The following DSCAML1 variants were observed in gnomAD, a reference collection of about 807,000 sequenced individuals.
DSCAML1 encodes cell adhesion molecule DSCAML1.
Under a neutral mutation model 200.5 loss-of-function variants are expected in DSCAML1, and 38 were observed. That is an observed-to-expected ratio of 0.19 (90% CI 0.15 to 0.25). The LOEUF (loss-of-function observed/expected upper bound fraction) is 0.25, where lower values mean the gene tolerates loss of function less well. Among genes scored for constraint, DSCAML1 ranks in the 10% least tolerant of loss-of-function variants. The pLI is 1.00. For missense variants in DSCAML1, 2,223 were observed against 2,858.8 expected (o/e 0.78, Z 5.07); for synonymous variants, 1,215 against 1,165.0 (o/e 1.04, Z -0.87).
chr11:117,604,537 A>G (rs983426650), intron 3 of DSCAML1, among the ~76,000 whole-genome samples: 1 of 152,162 alleles, frequency 6.6e-6, no homozygotes, highest in Non-Finnish European at 1.5e-5. Context: ...ATTCTTTTGA[A>G]GGAATTCTCT....
intron 27 of DSCAML1, 82 bp from the exon 28 acceptor site, chr11:117,433,553 G>C: frequency 2.7e-6 from 4 of 1,495,856 alleles, no homozygotes; most frequent in South Asian, 1.2e-5. Context: ...TGGGAAACAA[G>C]GTGGAGAATT....
chr11:117,428,979 T>C (rs2047727327), intron 32 of DSCAML1, among the ~76,000 whole-genome samples, 176 bp from the exon 33 acceptor site: 1 of 152,214 alleles, frequency 6.6e-6, no homozygotes, highest in African/African-American at 2.4e-5. Context: ...TTCTGAGCCT[T>C]CGTTTCCTTA....
chr11:117,607,183 C>G (rs1235324966), intron 3 of DSCAML1, among the ~76,000 whole-genome samples: 2 of 152,162 alleles, frequency 1.3e-5, no homozygotes, highest in African/African-American at 4.8e-5. Context: ...GTGGTAAGTC[C>G]CTGTGGCCTT....
At chr11:117,596,763 C>T (rs1388582976) in intron 3 of DSCAML1, among the ~76,000 whole-genome samples, 1 of 152,206 alleles carries the variant, frequency 6.6e-6, no homozygotes, top group South Asian at 2.1e-4. Context: ...TCAGTCAAGG[C>T]TGATGCACAT....
At chr11:117,507,607 A>T (rs2049526917) in intron 8 of DSCAML1, among the ~76,000 whole-genome samples, 1 of 152,064 alleles carries the variant, frequency 6.6e-6, no homozygotes, top group South Asian at 2.1e-4. Flanking sequence ...TTCCAATGTC[A>T]TCTTCCACCT....
intron 3 of DSCAML1, among the ~76,000 whole-genome samples, chr11:117,552,582 A>T (rs1024028766): frequency 1.3e-5 from 2 of 152,182 alleles, no homozygotes; most frequent in Non-Finnish European, 2.9e-5. Flanking sequence ...AGATTAACGA[A>T]ATCCTACCCT....
intron 4 of DSCAML1, among the ~76,000 whole-genome samples, chr11:117,529,551 C>T (rs1463177156): frequency 6.6e-6 from 1 of 152,190 alleles, no homozygotes; most frequent in East Asian, 1.9e-4. Flanking sequence ...TCATAACTGC[C>T]ATCTTAATAA....
intron 3 of DSCAML1, among the ~76,000 whole-genome samples, chr11:117,664,152 A>G (rs1248037774): frequency 6.6e-6 from 1 of 152,222 alleles, no homozygotes; most frequent in Non-Finnish European, 1.5e-5. Flanking sequence ...CAGTCCAGAG[A>G]GGAATGGTGG....
chr11:117,816,806 T>TGG (rs796094856), intron 1 of DSCAML1, among the ~76,000 whole-genome samples: 1 of 145,160 alleles, frequency 6.9e-6, no homozygotes, highest in Non-Finnish European at 1.5e-5. Flanking sequence ...GCTGGGGGGG[T>TGG]GGGGTGGAGA....
At chr11:117,567,778 G>A (rs1407100189) in intron 3 of DSCAML1, among the ~76,000 whole-genome samples, 22 of 152,166 alleles carry the variant, frequency 1.4e-4, no homozygotes, top group African/African-American at 4.6e-4. Flanking sequence ...ATTCACAGCC[G>A]AATTCTATCA....
rs2047716054 is a variant in DSCAML1 at position 117,428,627 on chromosome 11, G to A, written c.5863C>T (p.Leu1955Phe). 3.1e-6 allele frequency: 5 copies of A among 1,610,216 alleles called. No homozygotes were observed. Among genetic ancestry groups the A allele is most frequent in the South Asian group, 1.1e-5 (1 of 90,122 alleles). Residue 1955 changes from leucine (L) to phenylalanine (F), a missense_variant, in exon 33 of 33, where the codon CTT (leucine) becomes TTT (phenylalanine). This residue lies in a region of DSCAML1 where 280 missense variants were observed against 213.4 expected (regional missense o/e 1.31). Transcript: ENST00000651296. Reference protein sequence around the residue: ...TLDPASKSLGLPHPGAPAAAS... With the variant: ...TLDPASKSLGFPHPGAPAAAS... ...GCAGCGGGGGCCCCTGGGTGGGGAA[G>A]GCCCAAGGACTTGCTGGCAGGGTCC... is the stretch of plus-strand genomic sequence containing the variant.
chr11:117,435,018 T>C (rs974495115), intron 27 of DSCAML1, among the ~76,000 whole-genome samples: 1 of 152,250 alleles, frequency 6.6e-6, no homozygotes, highest in African/African-American at 2.4e-5. Context: ...GCAGTATCTA[T>C]GATGAAGCAG....
chr11:117,788,137 A>T (rs2055394848), intron 1 of DSCAML1, among the ~76,000 whole-genome samples: 1 of 152,192 alleles, frequency 6.6e-6, no homozygotes, highest in South Asian at 2.1e-4. Context: ...ACAGCATCAG[A>T]GCATGTACCA....
chr11:117,804,792 C>T lies in DSCAML1; in HGVS notation c.-250+12598G>A, dbSNP rs146380335. On this transcript the variant is annotated intron_variant, in intron 1 of 2. Coordinates refer to the DSCAML1 transcript ENST00000525836. ...AAAAACATTTAAAAGTAGCCAGGCA[C>T]GGTGGTGCATGCCTGTAGTCCCAGC... Among the ~76,000 whole-genome samples the T allele has an allele frequency of 5.2e-3, 786 of 152,180 alleles. 5 individuals are homozygous for T. Among genetic ancestry groups the T allele is most frequent in the African/African-American group, 0.018 (731 of 41,492 alleles).
At chr11:117,652,292 G>A (rs1197116528) in intron 3 of DSCAML1, among the ~76,000 whole-genome samples, 1 of 152,234 alleles carries the variant, frequency 6.6e-6, no homozygotes, top group Non-Finnish European at 1.5e-5. Context: ...TGACGAGAGA[G>A]GTCACCTGGG....
chr11:117,734,423 A>C (rs1372667766), intron 3 of DSCAML1, among the ~76,000 whole-genome samples: 1 of 152,138 alleles, frequency 6.6e-6, no homozygotes, highest in Non-Finnish European at 1.5e-5. Flanking sequence ...TCGGGTCCCC[A>C]CATTCTCAAC....
Position 117,505,251 on chromosome 11 carries a change from C to T in DSCAML1, c.2062+203G>A, listed in dbSNP as rs1317860638. Among the ~76,000 whole-genome samples the T allele has an allele frequency of 6.6e-6, 1 of 152,156 alleles. No individual in the cohort carries two copies. The highest frequency in any genetic ancestry group is 1.5e-5 in the Non-Finnish European group (1 of 68,030). On this transcript the variant is annotated intron_variant, in intron 9 of 32. Coordinates refer to ENST00000651296, the MANE Select transcript of DSCAML1 (RefSeq NM_020693.4). This position sits in a 1 kb window ranked among gnomAD's most constrained non-coding sequence, Gnocchi z 6.7. ...CTGAGTTCCAGTCCTGCCTTTGCCA[C>T]TGACTAACTGAGCAAGTGTCTCTCT...
At chr11:117,784,949 G>C (rs1269866077) in intron 1 of DSCAML1, among the ~76,000 whole-genome samples, 1 of 152,120 alleles carries the variant, frequency 6.6e-6, no homozygotes, top group East Asian at 1.9e-4. Context: ...CTGCAGGGAT[G>C]GAAGGGCACA....
intron 19 of DSCAML1, among the ~76,000 whole-genome samples, chr11:117,453,332 T>G (rs2137124111): frequency 6.6e-6 from 1 of 152,374 alleles, no homozygotes; most frequent in South Asian, 2.1e-4. Context: ...ATTCAGCATT[T>G]AATTGCTCTG....
Sources: allele counts gnomAD v4.1 joint callset (sites outside exome capture counted in the v4.1 genomes callset), GRCh38; gene constraint gnomAD v4.1.1; regional missense constraint gnomAD v4.1.1; non-coding constraint Gnocchi (gnomAD v3.1); transcripts MANE v1.5; gene names NCBI Gene and HGNC (gene_info 2026-07-23, HGNC 2026-07-21).